Variants in STXBP5L observed in about 807,000 individuals in gnomAD.
STXBP5L encodes syntaxin binding protein 5L, also known as syntaxin-binding protein 5-like.
STXBP5L carries 65 observed loss-of-function variants against 144.5 expected under a neutral mutation model. That is an observed-to-expected ratio of 0.45 (90% CI 0.37 to 0.55). STXBP5L has a LOEUF of 0.55. STXBP5L is among the 20% of genes least tolerant of loss of function. The probability of loss-of-function intolerance (pLI) is 0.00; values close to 1 mark genes in which losing one functional copy is unlikely to be tolerated. For synonymous variants in STXBP5L, 505 were observed against 469.6 expected (o/e 1.08, Z -0.97); for missense variants, 1,298 against 1,405.5 (o/e 0.92, Z 1.22).
At chr3:120,967,706 T>G (rs1175544012) in intron 3 of STXBP5L, among the ~76,000 whole-genome samples, 1 of 152,192 alleles carries the variant, frequency 6.6e-6, no homozygotes, top group East Asian at 1.9e-4. Flanking sequence ...ATTTGAAGTC[T>G]TTCTAATTTT....
intron 3 of STXBP5L, among the ~76,000 whole-genome samples, chr3:120,973,639 C>T (rs1940548266): frequency 6.6e-6 from 1 of 151,894 alleles, no homozygotes; most frequent in African/African-American, 2.4e-5. Flanking sequence ...GTGTGCTGCA[C>T]CCATTAACTT....
chr3:121,095,808 G>T (rs1031149512), intron 5 of STXBP5L, among the ~76,000 whole-genome samples: 1 of 152,172 alleles, frequency 6.6e-6, no homozygotes, highest in African/African-American at 2.4e-5. Context: ...TCTCCATCCA[G>T]CTTTGTTCTG....
chr3:120,932,207 A>C (rs1026070567), intron 2 of STXBP5L, among the ~76,000 whole-genome samples: 6 of 152,216 alleles, frequency 3.9e-5, no homozygotes, highest in Non-Finnish European at 8.8e-5. Context: ...ATTGTTGACC[A>C]AAATGTCATT....
chr3:121,265,210 C>A lies in STXBP5L; in HGVS notation c.1958+6042C>A, dbSNP rs190202666. Among the ~76,000 whole-genome samples, 366 of 152,168 alleles carry A rather than the reference C, an allele frequency of 2.4e-3. 1 individual carries two copies. The highest frequency in any genetic ancestry group is 8.4e-3 in the African/African-American group (350 of 41,498). On this transcript the variant is annotated intron_variant, in intron 18 of 26. Transcript: ENST00000471454. Reference sequence around the variant, plus strand: ...ACAATGCACTTATTCTAAAATTGACCACATAATTGGAAGTAAAACACTCCT... The same window carrying A: ...ACAATGCACTTATTCTAAAATTGACAACATAATTGGAAGTAAAACACTCCT...
chr3:121,065,072 T>TTTA (rs201508818), intron 5 of STXBP5L, among the ~76,000 whole-genome samples: 113 of 54,418 alleles, frequency 2.1e-3, no homozygotes, highest in Middle Eastern at 7.8e-3. Flanking sequence ...AGGTTGTGAT[T>TTTA]TTTTTTTTTT....
At chr3:121,126,265 C>T (rs1387802913) in intron 7 of STXBP5L, among the ~76,000 whole-genome samples, 1 of 152,172 alleles carries the variant, frequency 6.6e-6, no homozygotes, top group Non-Finnish European at 1.5e-5. Context: ...CACAGCCATG[C>T]TCATTCATTA....
At chr3:121,247,285 G>A (rs1291646784) in intron 14 of STXBP5L, among the ~76,000 whole-genome samples, 6 of 152,096 alleles carry the variant, frequency 3.9e-5, no homozygotes, top group Admixed American at 6.5e-5. Context: ...TGTAGTTTGA[G>A]TTCTCCAACT....
intron 9 of STXBP5L, among the ~76,000 whole-genome samples, chr3:121,160,877 C>T (rs547900425): frequency 5.3e-5 from 8 of 151,874 alleles, no homozygotes; most frequent in Non-Finnish European, 1.0e-4. Context: ...TTATTGGTTG[C>T]TCCAGGGATT....
Position 121,327,762 on chromosome 3 carries a change from T to C in STXBP5L, c.2176+9222T>C, listed in dbSNP as rs1417052201. Among the ~76,000 whole-genome samples the C allele has an allele frequency of 2.6e-5, 4 of 152,228 alleles. No homozygotes were observed. In the East Asian group the frequency reaches 7.7e-4, roughly 29 times the overall value. On this transcript the variant is annotated intron_variant, in intron 20 of 26. Transcript: ENST00000471454. ...ATTTGGTTTCTATTTTCAAAAAGTA[T>C]GCTACAGCATGTTAAAGTAACAAAA...
intron 10 of STXBP5L, among the ~76,000 whole-genome samples, chr3:121,216,603 G>A (rs568543890): frequency 2.1e-3 from 326 of 152,284 alleles, no homozygotes; most frequent in Middle Eastern, 0.01. Flanking sequence ...GAGCTCTCCT[G>A]TATGTGGTGT....
chr3:121,020,846 C>T (rs1016907040), intron 3 of STXBP5L, among the ~76,000 whole-genome samples: 2 of 108,464 alleles, frequency 1.8e-5, no homozygotes, highest in African/African-American at 7.5e-5. Flanking sequence ...TAAAACAATA[C>T]AATGAAAAAA....
At chr3:121,051,449 A>G (rs1271557982) in intron 5 of STXBP5L, among the ~76,000 whole-genome samples, 1 of 152,226 alleles carries the variant, frequency 6.6e-6, no homozygotes, top group Non-Finnish European at 1.5e-5. Context: ...AAACCGCTCA[A>G]CTACATGGAA....
At chr3:121,299,452 G>T (rs548632658) in intron 19 of STXBP5L, among the ~76,000 whole-genome samples, 5 of 152,018 alleles carry the variant, frequency 3.3e-5, no homozygotes, top group African/African-American at 4.8e-5. Context: ...GAATAAAAAG[G>T]CATTCCTTTC....
intron 20 of STXBP5L, among the ~76,000 whole-genome samples, chr3:121,353,648 A>G (rs950706264): frequency 6.6e-6 from 1 of 151,878 alleles, no homozygotes; most frequent in African/African-American, 2.4e-5. Flanking sequence ...TGGATTCATT[A>G]ATTTTTTGAA....
chr3:121,047,484 T>C (rs1159700054), intron 5 of STXBP5L, among the ~76,000 whole-genome samples: 1 of 152,168 alleles, frequency 6.6e-6, no homozygotes, highest in African/African-American at 2.4e-5. Flanking sequence ...TGTGTGGGAA[T>C]CTAAGTCTCT....
chr3:121,376,299 T>C (rs1388921257), intron 20 of STXBP5L, among the ~76,000 whole-genome samples: 1 of 152,308 alleles, frequency 6.6e-6, no homozygotes, highest in East Asian at 1.9e-4. Context: ...AGAACCAATG[T>C]TCTTATGTAC....
chr3:121,073,325 C>T (rs1178189260), intron 5 of STXBP5L, among the ~76,000 whole-genome samples: 3 of 152,200 alleles, frequency 2.0e-5, no homozygotes, highest in African/African-American at 4.8e-5. Context: ...GATATCTTAA[C>T]ATCTTAGGGT....
At position 120,991,134 on chromosome 3, in the gene STXBP5L, GAAAC is replaced by G. The variant is rs564841838; in HGVS notation, c.287+36108_287+36111del. On this transcript the variant is annotated intron_variant, in intron 3 of 26. Coordinates refer to ENST00000471454, the MANE Select transcript of STXBP5L (RefSeq NM_001308330.2). ...ACAATGAACTCAAACAAATTTACAA[GAAAC>G]AAACAAACAACCCCATCAACAAGTG... Among the ~76,000 whole-genome samples, 862 of 151,312 alleles carry G rather than the reference GAAAC, an allele frequency of 5.7e-3. 2 individuals carry two copies. The highest frequency in any genetic ancestry group is 9.6e-3 in the Non-Finnish European group (649 of 67,638).
At chr3:120,957,063 T>C (rs1352946857) in intron 3 of STXBP5L, among the ~76,000 whole-genome samples, 1 of 152,016 alleles carries the variant, frequency 6.6e-6, no homozygotes, top group Admixed American at 6.6e-5. Flanking sequence ...CCCAGAACCA[T>C]TTGTTGACAA....
Sources: allele counts gnomAD v4.1 joint callset (sites outside exome capture counted in the v4.1 genomes callset), GRCh38; gene constraint gnomAD v4.1.1; transcripts MANE v1.5; gene names NCBI Gene and HGNC (gene_info 2026-07-23, HGNC 2026-07-21).